Variants in HMCN2 observed in about 807,000 individuals in gnomAD.
HMCN2 encodes hemicentin 2, also known as hemicentin-2.
Under a neutral mutation model 377.5 loss-of-function variants are expected in HMCN2, and 325 were observed. The ratio of observed to expected loss-of-function variants is 0.86; its 90% CI spans 0.79 to 0.94. HMCN2 has a LOEUF of 0.94. HMCN2 is among the 40% of genes least tolerant of loss of function. The pLI, the probability that HMCN2 is intolerant of heterozygous loss-of-function variation, is 0.00. For synonymous variants in HMCN2, 2,007 were observed against 2,046.8 expected (o/e 0.98, Z 0.53); for missense variants, 4,543 against 4,725.3 (o/e 0.96, Z 1.13).
intron 85 of HMCN2, among the ~76,000 whole-genome samples, chr9:130,415,298 C>T (rs778545820): frequency 2.3e-4 from 35 of 152,226 alleles, no homozygotes; most frequent in Non-Finnish European, 4.3e-4. Context: ...ACTCAACAGA[C>T]ACCAACTGAG....
Position 130,403,273 on chromosome 9 carries a change from AG to A in HMCN2, c.11960del (p.Gly3987AlafsTer20). On this transcript the variant is annotated frameshift_variant, in exon 79 of 98. Coordinates refer to ENST00000683500, the MANE Select transcript of HMCN2 (RefSeq NM_001291815.2). LOFTEE classifies it high-confidence loss of function. ...EEVLLPCEAS[G>X]IPRPTITWQK... ...AGGTGCTGCTGCCCTGCGAGGCCTC[AG>A]GCATCCCCCGGCCGACCATCACCTG... 1 of 1,289,818 alleles carries A rather than the reference AG, an allele frequency of 7.8e-7. No homozygotes were observed. The highest frequency in any genetic ancestry group is 1.0e-6 in the Non-Finnish European group (1 of 988,870). The allele number at this position is 1,289,818 out of a possible 1,614,324, so 79.9% of individuals were successfully genotyped here. A position where few individuals can be genotyped will look rare whatever the true frequency, so the allele number is the denominator to read the frequency against.
chr9:130,355,018 TC>T lies in HMCN2; in HGVS notation c.5122del (p.Leu1708CysfsTer22), dbSNP rs1381567072. The T allele has an allele frequency of 5.3e-5, 68 of 1,290,176 alleles. No homozygotes were observed. In the Middle Eastern group the frequency reaches 1.1e-3, roughly 21 times the overall value. The allele number at this position is 1,290,176 out of a possible 1,614,324, so 79.9% of individuals were successfully genotyped here. A position where few individuals can be genotyped will look rare whatever the true frequency, so the allele number is the denominator to read the frequency against. On this transcript the variant is annotated frameshift_variant, in exon 32 of 98. Transcript: ENST00000683500. LOFTEE classifies it high-confidence loss of function. ...GCCAGCAGTCCTGCCGGGGAAGCCG[TC>T]CTGCAGTACTCCGTGGAGGTTCAGG... is the stretch of plus-strand genomic sequence containing the variant. Reference protein sequence around the residue: ...CVASSPAGEAVLQYSVEVQVP... With the variant: ...CVASSPAGEAXLQYSVEVQVP...
chr9:130,428,444 G>T lies in HMCN2; in HGVS notation c.14152G>T (p.Asp4718Tyr). Residue 4718 changes from aspartate to tyrosine, a missense_variant, in exon 93 of 98, where the codon GAC (aspartate) becomes TAC (tyrosine). Around this residue, in one of 5 missense-constraint regions of HMCN2, gnomAD observed 1,155 missense variants for 1,157.7 expected, o/e 1.00. Coordinates refer to ENST00000683500, the MANE Select transcript of HMCN2 (RefSeq NM_001291815.2). This position sits in a 1 kb window ranked among gnomAD's most constrained non-coding sequence, Gnocchi z 5.0. Reference sequence around the variant, plus strand: ...GCTCGGGTCCTACCGCTGCCTCCCCGACTGTGGGCCTGGCTTCCGGGTGGC... The same window carrying T: ...GCTCGGGTCCTACCGCTGCCTCCCCTACTGTGGGCCTGGCTTCCGGGTGGC... The part of the protein sequence containing the change: ...NLLGSYRCLP[D>Y]CGPGFRVADG... 1.9e-6 allele frequency: 3 copies of T among 1,545,532 alleles called. No individual in the cohort carries two copies. Among genetic ancestry groups the T allele is most frequent in the Non-Finnish European group, 2.6e-6 (3 of 1,146,932 alleles).
In HMCN2 at chr9:130,433,898, G is replaced by C. The variant is rs1037486328; in HGVS notation, c.*205G>C. ...GACCTCACAGAGGGAGGCGTCCAGG[G>C]CGGCCCTTGGGTGGCCAGTCCCGCA... On this transcript the variant is annotated 3_prime_UTR_variant, in exon 98 of 98. Transcript: ENST00000683500. 7.9e-6 allele frequency: 4 copies of C among 507,032 alleles called. No homozygotes were observed. Among genetic ancestry groups the C allele is most frequent in the Non-Finnish European group, 1.3e-5 (4 of 298,736 alleles). 31.4% of individuals were successfully genotyped at this position (507,032 alleles called of 1,614,324 possible).
At chr9:130,400,148 A>T (rs892371669) in intron 76 of HMCN2, 1 of 152,470 alleles carries the variant, frequency 6.6e-6, no homozygotes, top group African/African-American at 2.4e-5. Context: ...TTCAGATCGC[A>T]GGTTAAATGC....
chr9:130,348,591 T>G lies in HMCN2; in HGVS notation c.4071T>G (p.Gly1357=), dbSNP rs1588282593. ...REDGRKANVS[G]MAGQSLTLEC... is the part of the protein sequence containing the mutation. ...ACGGGCGCAAGGCCAACGTGTCGGG[T>G]ATGGCCGGGCAGTCCCTGACGCTGG... Residue 1357 remains glycine, a synonymous_variant, in exon 27 of 98, where the codon GGT becomes GGG. Coordinates refer to ENST00000683500, the MANE Select transcript of HMCN2 (RefSeq NM_001291815.2). 1 of 1,304,198 alleles carries G rather than the reference T, an allele frequency of 7.7e-7. No individual in the cohort carries two copies. The allele number at this position is 1,304,198 out of a possible 1,614,324, so 80.8% of individuals were successfully genotyped here.
rs1837996707 is a variant in HMCN2, at chr9:130,324,110, C to T, written c.2921-1485C>T. 2.0e-5 allele frequency among the ~76,000 whole-genome samples: 3 copies of T among 152,342 alleles called. No homozygotes were observed. In the South Asian group the frequency reaches 6.2e-4, roughly 32 times the overall value. On this transcript the variant is annotated intron_variant, in intron 19 of 97. Transcript: ENST00000683500. The stretch of plus-strand genomic sequence containing the variant: ...TCACATTTCACACTATCACCGCTAT[C>T]CATCTCCAGGACTTTCTCATCATCC...
rs1837194830 is a variant in HMCN2 at position 130,310,615 on chromosome 9, G to A, written c.2350+554G>A. 3.2e-5 allele frequency among the ~76,000 whole-genome samples: 3 copies of A among 92,816 alleles called. No individual in the cohort carries two copies. In the South Asian group the frequency reaches 1.1e-3, roughly 33 times the overall value. The allele number at this position is 92,816 out of a possible 152,430, so 60.9% of individuals were successfully genotyped here. A position where few individuals can be genotyped will look rare whatever the true frequency, so the allele number is the denominator to read the frequency against. On this transcript the variant is annotated intron_variant, in intron 15 of 97. Coordinates refer to ENST00000683500, the MANE Select transcript of HMCN2 (RefSeq NM_001291815.2). Reference sequence around the variant, plus strand: ...TACCCAGGGATGTGAACACCAGGAGGCGGGGGCTACCCATGGGTGTGAACA... The same window carrying A: ...TACCCAGGGATGTGAACACCAGGAGACGGGGGCTACCCATGGGTGTGAACA...
chr9:130,383,854 C>T (rs1841868236), intron 57 of HMCN2, among the ~76,000 whole-genome samples: 1 of 152,210 alleles, frequency 6.6e-6, no homozygotes, highest in Admixed American at 6.5e-5. Context: ...TACTGTGTAC[C>T]TGACACGAGG....
intron 23 of HMCN2, among the ~76,000 whole-genome samples, chr9:130,340,585 T>C (rs1838992377): frequency 6.8e-6 from 1 of 147,034 alleles, no homozygotes; most frequent in Non-Finnish European, 1.5e-5. Context: ...AGTGGCACAA[T>C]CTCAGCTCAC....
chr9:130,331,925 C>A (rs1838452762), intron 22 of HMCN2, among the ~76,000 whole-genome samples: 1 of 152,138 alleles, frequency 6.6e-6, no homozygotes, highest in African/African-American at 2.4e-5. Context: ...AGGTTTTCTT[C>A]CTTTGATACC....
At chr9:130,415,879 C>A (rs1358238093) in intron 85 of HMCN2, among the ~76,000 whole-genome samples, 1 of 152,176 alleles carries the variant, frequency 6.6e-6, no homozygotes, top group Non-Finnish European at 1.5e-5. Context: ...TCCCTTTTGG[C>A]TCCTACCAGT....
chr9:130,375,471 G>A lies in HMCN2; in HGVS notation c.7631-92G>A, dbSNP rs192586231. ...CTGTAATGTAACTGACAGAAGTACC[G>A]AGGCCAAGCACCGGGGTCTGAGGCT... On this transcript the variant is annotated intron_variant, in intron 49 of 97. Transcript: ENST00000683500. The A allele has an allele frequency of 1.5e-4, 102 of 687,120 alleles. No homozygotes were observed. In the African/African-American group the frequency reaches 1.8e-3, roughly 12 times the overall value. The allele number at this position is 687,120 out of a possible 1,614,324, so 42.6% of individuals were successfully genotyped here. A position where few individuals can be genotyped will look rare whatever the true frequency, so the allele number is the denominator to read the frequency against.
chr9:130,357,634 C>T (rs1215703248), intron 34 of HMCN2, among the ~76,000 whole-genome samples, 200 bp from the exon 35 acceptor site: 1 of 152,132 alleles, frequency 6.6e-6, no homozygotes. Context: ...AAGAGAATAA[C>T]TTCTCTGCTG....
chr9:130,392,733 C>T (rs1415068959), intron 66 of HMCN2, among the ~76,000 whole-genome samples: 1 of 142,772 alleles, frequency 7.0e-6, no homozygotes, highest in Non-Finnish European at 1.6e-5. Flanking sequence ...TGCGGTGGCT[C>T]ACGCCTGTAA....
chr9:130,322,889 G>A (rs888826712), intron 19 of HMCN2, among the ~76,000 whole-genome samples: 1 of 152,116 alleles, frequency 6.6e-6, no homozygotes, highest in Admixed American at 6.5e-5. Flanking sequence ...TGTTAATATC[G>A]TCTTTTTTCT....
At chr9:130,397,414 A>G (rs115725539) in intron 73 of HMCN2, 114 bp from the exon 74 acceptor site, 1 of 1,044,164 alleles carries the variant, frequency 9.6e-7, no homozygotes, top group African/African-American at 1.7e-5. Context: ...GCCAAACCAT[A>G]TCAGCATCCT....
At chr9:130,284,150 G>A (rs1835290800) in intron 1 of HMCN2, among the ~76,000 whole-genome samples, 1 of 152,184 alleles carries the variant, frequency 6.6e-6, no homozygotes, top group Non-Finnish European at 1.5e-5. Flanking sequence ...TTTCTGGAAG[G>A]TTTTTCTTTT....
In HMCN2 at chr9:130,433,639, G is replaced by A. The variant is rs552908032; in HGVS notation, c.15186G>A (p.Pro5062=). The change falls in exon 98 of 98, where the codon CCG becomes CCA. Residue 5062 remains proline (P), a synonymous_variant. Transcript: ENST00000683500. Reference sequence around the variant, plus strand: ...GGCTCACCGTGCGTGCTGCGGCACCGCGCCACCAAAGCGTCTTCGTCTTGC... The same window carrying A: ...GGCTCACCGTGCGTGCTGCGGCACCACGCCACCAAAGCGTCTTCGTCTTGC... The part of the protein sequence containing the change: ...LYRLTVRAAA[P]RHQSVFVLLI... The A allele has an allele frequency of 1.6e-5, 25 of 1,520,730 alleles. No homozygotes were observed. Among genetic ancestry groups the A allele is most frequent in the Non-Finnish European group, 2.1e-5 (24 of 1,134,840 alleles). The allele number at this position is 1,520,730 out of a possible 1,614,324, so 94.2% of individuals were successfully genotyped here. A position where few individuals can be genotyped will look rare whatever the true frequency, so the allele number is the denominator to read the frequency against.
Sources: allele counts gnomAD v4.1 joint callset (sites outside exome capture counted in the v4.1 genomes callset), GRCh38; gene constraint gnomAD v4.1.1; regional missense constraint gnomAD v4.1.1; non-coding constraint Gnocchi (gnomAD v3.1); transcripts MANE v1.5; gene names NCBI Gene and HGNC (gene_info 2026-07-23, HGNC 2026-07-21).